The following GNG7 variants were observed in gnomAD, a reference collection of about 807,000 sequenced individuals.
The protein encoded by GNG7 is guanine nucleotide-binding protein G(I)/G(S)/G(O) subunit gamma-7.
In GNG7, 1 loss-of-function variant was observed where a neutral mutation model predicts 4.0. The observed-to-expected ratio is 0.25, with a 90% CI of 0.09 to 1.18. The LOEUF is 1.18. GNG7 is among the 50% of genes most tolerant of loss of function. The pLI is 0.50. For synonymous variants in GNG7, 34 were observed against 36.9 expected (o/e 0.92, Z 0.29); for missense variants, 86 against 91.9 (o/e 0.94, Z 0.26).
chr19:2,557,822 C>T lies in GNG7; in HGVS notation c.-77-2634G>A, dbSNP rs752883693. On this transcript the variant is annotated intron_variant, in intron 2 of 4. Transcript: ENST00000382159. This position sits in a 1 kb window ranked among gnomAD's most constrained non-coding sequence, Gnocchi z 5.1. ...AGCTCCTTATTCTGATGGGGTGACT[C>T]GGTGCATTTCTCTCTCAGGCTTACT... 1.1e-4 allele frequency among the ~76,000 whole-genome samples: 17 copies of T among 152,036 alleles called. No homozygotes were observed. Among genetic ancestry groups the T allele is most frequent in the Non-Finnish European group, 2.2e-4 (15 of 68,002 alleles).
At chr19:2,530,390 G>T (rs1023422581) in intron 3 of GNG7, among the ~76,000 whole-genome samples, 1 of 149,066 alleles carries the variant, frequency 6.7e-6, no homozygotes, top group Non-Finnish European at 1.5e-5. Context: ...TCCAGCCTGG[G>T]CGACAGAGAG....
At chr19:2,550,248 T>C (rs1051404633) in intron 3 of GNG7, among the ~76,000 whole-genome samples, 100 of 152,204 alleles carry the variant, frequency 6.6e-4, no homozygotes, top group African/African-American at 2.1e-3. Context: ...GACGGAGTCT[T>C]GCTCTGTCGC....
At chr19:2,691,436 C>A (rs1199777666) in intron 1 of GNG7, among the ~76,000 whole-genome samples, 1 of 151,934 alleles carries the variant, frequency 6.6e-6, no homozygotes, top group African/African-American at 2.4e-5. Flanking sequence ...CCCAGCTACT[C>A]AGGAGGCTGA....
intron 1 of GNG7, among the ~76,000 whole-genome samples, chr19:2,680,211 G>C (rs372261087): frequency 6.8e-6 from 1 of 147,734 alleles, no homozygotes; most frequent in African/African-American, 2.5e-5. Context: ...GCAGTTGTGC[G>C]ATCTCGGCTC....
rs988603082 is a variant in GNG7, at chr19:2,614,547, G to A, written c.-78+31677C>T. Among the ~76,000 whole-genome samples the A allele has an allele frequency of 6.6e-6, 1 of 152,096 alleles. No homozygotes were observed. Among genetic ancestry groups the A allele is most frequent in the Non-Finnish European group, 1.5e-5 (1 of 68,028 alleles). ...ATAGAAATAGGATGACACACTGTGT[G>A]GCCTTTTGGATCTGGCATCTCTCAC... On this transcript the variant is annotated intron_variant, in intron 2 of 4. Coordinates refer to ENST00000382159, the MANE Select transcript of GNG7 (RefSeq NM_052847.3). This position sits in a 1 kb window ranked among gnomAD's most constrained non-coding sequence, Gnocchi z 6.0.
At chr19:2,538,505 C>CCTG in intron 3 of GNG7, 2 of 350,446 alleles carry the variant, frequency 5.7e-6, no homozygotes, top group Non-Finnish European at 1.1e-5. Flanking sequence ...GTGGTGCACA[C>CCTG]CTGTAGTTCC....
chr19:2,576,430 G>A (rs1368630018), intron 2 of GNG7, among the ~76,000 whole-genome samples: 4 of 152,234 alleles, frequency 2.6e-5, no homozygotes, highest in South Asian at 2.1e-4. Flanking sequence ...GGAGGACAGG[G>A]CGGGCCGCGG....
At chr19:2,597,121 C>T (rs1418481240) in intron 2 of GNG7, among the ~76,000 whole-genome samples, 1 of 151,902 alleles carries the variant, frequency 6.6e-6, no homozygotes, top group African/African-American at 2.4e-5. Context: ...AAAAATTATC[C>T]AGGCATGGTG....
intron 1 of GNG7, among the ~76,000 whole-genome samples, chr19:2,688,750 A>T (rs138278354): frequency 1.3e-5 from 2 of 152,152 alleles, no homozygotes; most frequent in East Asian, 3.9e-4. Flanking sequence ...ACATTTGAAT[A>T]AAGTGTGGAG....
At chr19:2,681,925 T>C (rs1201969359) in intron 1 of GNG7, among the ~76,000 whole-genome samples, 1 of 151,956 alleles carries the variant, frequency 6.6e-6, no homozygotes, top group African/African-American at 2.4e-5. Flanking sequence ...TTTGTTTTTG[T>C]TTGAGATGGA....
intron 1 of GNG7, among the ~76,000 whole-genome samples, chr19:2,685,078 C>T (rs535815505): frequency 8.1e-4 from 122 of 151,514 alleles, no homozygotes; most frequent in Middle Eastern, 3.4e-3. Flanking sequence ...GAGCCAAGAT[C>T]GCACGACTGC....
chr19:2,657,361 A>AAAAAT (rs1555701153), intron 1 of GNG7, among the ~76,000 whole-genome samples: 6 of 16,326 alleles, frequency 3.7e-4, no homozygotes, highest in African/African-American at 8.6e-4. Flanking sequence ...AAAAAAAAAA[A>AAAAAT]ATATATATAT....
In GNG7 at chr19:2,617,093, TA is replaced by T. The variant is rs993711274; in HGVS notation, c.-78+29130del. On this transcript the variant is annotated intron_variant, in intron 2 of 4. Coordinates refer to ENST00000382159, the MANE Select transcript of GNG7 (RefSeq NM_052847.3). This position sits in a 1 kb window ranked among gnomAD's most constrained non-coding sequence, Gnocchi z 4.7. Reference sequence around the variant, plus strand: ...TTATTTCAGCCTAATTACATTCCGTTAACCCAAAGTCTCTGACGTTCAGGGC... The same window carrying T: ...TTATTTCAGCCTAATTACATTCCGTTACCCAAAGTCTCTGACGTTCAGGGC... Among the ~76,000 whole-genome samples the T allele has an allele frequency of 1.3e-5, 2 of 152,234 alleles. No homozygotes were observed. Among genetic ancestry groups the T allele is most frequent in the Admixed American group, 1.3e-4 (2 of 15,282 alleles).
At chr19:2,625,446 T>C (rs1372157196) in intron 2 of GNG7, among the ~76,000 whole-genome samples, 3 of 151,756 alleles carry the variant, frequency 2.0e-5, no homozygotes, top group African/African-American at 4.8e-5. Context: ...ACTCCCGGCC[T>C]CAAGCGATCT....
chr19:2,660,002 A>C (rs1277805308), intron 1 of GNG7, among the ~76,000 whole-genome samples: 2 of 152,008 alleles, frequency 1.3e-5, no homozygotes, highest in African/African-American at 4.8e-5. Context: ...TGGCCACTTA[A>C]GCCTGGATTA....
intron 3 of GNG7, among the ~76,000 whole-genome samples, chr19:2,548,704 G>A (rs372193779): frequency 4.8e-4 from 73 of 152,068 alleles, no homozygotes; most frequent in East Asian, 2.1e-3. Context: ...CAGAAGAATC[G>A]CTTGAACCCA....
chr19:2,572,175 C>G (rs1175906681), intron 2 of GNG7, among the ~76,000 whole-genome samples: 1 of 151,618 alleles, frequency 6.6e-6, no homozygotes, highest in Non-Finnish European at 1.5e-5. Context: ...GGGCACACCA[C>G]AACACCAGGC....
At chr19:2,577,298 G>C (rs111403306) in intron 2 of GNG7, among the ~76,000 whole-genome samples, 3 of 152,166 alleles carry the variant, frequency 2.0e-5, no homozygotes, top group African/African-American at 4.8e-5. Flanking sequence ...TCTCATCCAA[G>C]GCTCGCCCGG....
Position 2,546,644 on chromosome 19 carries a change from C to T in GNG7, c.-38+8505G>A, listed in dbSNP as rs1332237294. On this transcript the variant is annotated intron_variant, in intron 3 of 4. Coordinates refer to ENST00000382159, the MANE Select transcript of GNG7 (RefSeq NM_052847.3). The surrounding 1 kb of genome is among the most constrained non-coding windows in gnomAD (Gnocchi z 6.3). ...CCAGCGGGGCAGGTCCCGCCGCTGC[C>T]TTCAGCCGGAGCTTGGAGCCTAAGA... 6.6e-6 allele frequency among the ~76,000 whole-genome samples: 1 copy of T among 152,176 alleles called. No individual in the cohort carries two copies. Among genetic ancestry groups the T allele is most frequent in the African/African-American group, 2.4e-5 (1 of 41,444 alleles).
Sources: gnomAD v4.1 joint callset for allele counts (sites outside exome capture counted in the v4.1 genomes callset) on GRCh38, gnomAD v4.1.1 for gene constraint, Gnocchi (gnomAD v3.1) non-coding constraint, MANE v1.5 for transcripts, NCBI Gene and HGNC (gene_info 2026-07-23, HGNC 2026-07-21) for gene names.